Variants in SGCD observed in about 807,000 individuals in gnomAD.
SGCD encodes the protein delta-sarcoglycan.
Under a neutral mutation model 36.6 loss-of-function variants are expected in SGCD, and 18 were observed. The observed-to-expected ratio is 0.49, with a 90% CI of 0.34 to 0.73. The LOEUF is 0.73. SGCD is among the 30% of genes least tolerant of loss of function. The pLI is 0.01. For missense variants in SGCD, 387 were observed against 346.7 expected (o/e 1.12, Z -0.92); for synonymous variants, 133 against 130.6 (o/e 1.02, Z -0.12).
In SGCD at chr5:156,233,391, A is replaced by G. The variant is rs942047676; in HGVS notation, c.-43-96143A>G. Among the ~76,000 whole-genome samples, 7 of 152,342 alleles carry G rather than the reference A, an allele frequency of 4.6e-5. No individual in the cohort carries two copies. The East Asian group carries it at 1.4e-3, about 29-fold the overall frequency. Reference sequence around the variant, plus strand: ...GTAGCTTGCCTGTTGGTTATTCTTCATATGGATTGCCACTTACTTTGACTA... The same window carrying G: ...GTAGCTTGCCTGTTGGTTATTCTTCGTATGGATTGCCACTTACTTTGACTA... On this transcript the variant is annotated intron_variant, in intron 3 of 9. Coordinates refer to the SGCD transcript ENST00000517913.
chr5:156,663,390 G>C (rs1256937531), intron 7 of SGCD, among the ~76,000 whole-genome samples: 1 of 145,782 alleles, frequency 6.9e-6, no homozygotes, highest in African/African-American at 2.6e-5. Context: ...TGTTTTCCTT[G>C]AATAATGGCC....
intron 3 of SGCD, among the ~76,000 whole-genome samples, chr5:156,190,910 A>G (rs1295659998): frequency 1.3e-5 from 2 of 152,206 alleles, no homozygotes; most frequent in Non-Finnish European, 2.9e-5. Context: ...AAAATTTTCT[A>G]GAAATAATAC....
intron 1 of SGCD, among the ~76,000 whole-genome samples, chr5:155,912,105 A>G (rs181804369): frequency 9.5e-4 from 145 of 152,192 alleles, no homozygotes; most frequent in African/African-American, 3.4e-3. Context: ...CTTTAGTGGA[A>G]CTGATACCTC....
intron 3 of SGCD, among the ~76,000 whole-genome samples, chr5:156,448,074 T>A (rs759331720): frequency 6.6e-6 from 1 of 152,310 alleles, no homozygotes; most frequent in Non-Finnish European, 1.5e-5. Context: ...TGACTTTCAC[T>A]GTATTCTGCC....
chr5:156,427,504 T>C (rs1477608777), intron 3 of SGCD, among the ~76,000 whole-genome samples: 2 of 152,132 alleles, frequency 1.3e-5, no homozygotes, highest in Non-Finnish European at 2.9e-5. Flanking sequence ...TTACTTCCTG[T>C]TTTCCAATTC....
chr5:155,866,698 C>CAGGG (rs958833002), upstream of SGCD, among the ~76,000 whole-genome samples: 1 of 152,218 alleles, frequency 6.6e-6, no homozygotes, highest in African/African-American at 2.4e-5. Context: ...TTCTTCATTC[C>CAGGG]ATCCTAACAG....
intron 3 of SGCD, among the ~76,000 whole-genome samples, chr5:156,292,349 G>A (rs570127245): frequency 6.6e-6 from 1 of 152,068 alleles, no homozygotes; most frequent in South Asian, 2.1e-4. Context: ...TAAGTACCAC[G>A]AACAAGTGGG....
intron 1 of SGCD, among the ~76,000 whole-genome samples, chr5:155,996,015 CA>C (rs5872445): frequency 0.26 from 27,915 of 108,732 alleles, 3,368 homozygotes; most frequent in South Asian, 0.4. Flanking sequence ...AAAGAACTTA[CA>C]AAAAAAAAAA....
intron 4 of SGCD, among the ~76,000 whole-genome samples, chr5:156,557,363 TACA>T (rs778194738): frequency 2.0e-5 from 3 of 152,176 alleles, no homozygotes; most frequent in African/African-American, 4.8e-5. Context: ...CCAGGATTTG[TACA>T]ACAACAAGTA....
In SGCD at chr5:156,417,501, T is replaced by A. The variant is rs928316401; in HGVS notation, c.192+72824T>A. Reference sequence around the variant, plus strand: ...TCTGCTTGGGCTGCCATAACAAAATTCCAAGACTAGGTGGCTTAAACAACA... The same window carrying A: ...TCTGCTTGGGCTGCCATAACAAAATACCAAGACTAGGTGGCTTAAACAACA... On this transcript the variant is annotated intron_variant, in intron 3 of 8. Transcript: ENST00000337851. Among the ~76,000 whole-genome samples, 13 of 152,206 alleles carry A rather than the reference T, an allele frequency of 8.5e-5. 1 individual carries two copies. In the South Asian group the frequency reaches 2.7e-3, roughly 32 times the overall value.
intron 3 of SGCD, among the ~76,000 whole-genome samples, chr5:156,321,220 C>G (rs1174323760): frequency 6.6e-6 from 1 of 152,114 alleles, no homozygotes; most frequent in Non-Finnish European, 1.5e-5. Context: ...AAGATCGAGA[C>G]CATCCTGGCT....
chr5:156,068,671 A>C (rs1375919379), intron 1 of SGCD, among the ~76,000 whole-genome samples: 1 of 151,778 alleles, frequency 6.6e-6, no homozygotes, highest in Non-Finnish European at 1.5e-5. Flanking sequence ...TGGTATTTCT[A>C]GTTCTAGATC....
At chr5:156,037,496 A>G (rs996475236) in intron 1 of SGCD, among the ~76,000 whole-genome samples, 4 of 152,188 alleles carry the variant, frequency 2.6e-5, no homozygotes, top group Admixed American at 2.0e-4. Flanking sequence ...TAAGCAGGCA[A>G]TTTGGCCTGT....
intron 1 of SGCD, among the ~76,000 whole-genome samples, chr5:155,946,811 CAGT>C (rs1476801440): frequency 1.3e-5 from 2 of 152,158 alleles, no homozygotes; most frequent in African/African-American, 4.8e-5. Flanking sequence ...CTCCTTTGGC[CAGT>C]AGCTCTGGGA....
At chr5:156,564,237 C>G (rs899552569) in intron 4 of SGCD, among the ~76,000 whole-genome samples, 7 of 152,238 alleles carry the variant, frequency 4.6e-5, no homozygotes, top group African/African-American at 1.7e-4. Context: ...ATCACAAGGT[C>G]AGGAGATCAA....
At chr5:155,736,998 G>C in the SGCD span, among the ~76,000 whole-genome samples, 72 of 152,298 alleles carry the variant, frequency 4.7e-4, no homozygotes, top group African/African-American at 1.7e-3. Flanking sequence ...AAACATTCAC[G>C]TCTCTAAGTG....
chr5:156,327,062 G>A (rs1295493210), upstream of SGCD: 1 of 152,572 alleles, frequency 6.6e-6, no homozygotes, highest in African/African-American at 2.4e-5. Flanking sequence ...GGCATGGGCA[G>A]GGACTTGGCT....
chr5:156,487,214 C>T (rs1359202018), intron 3 of SGCD, among the ~76,000 whole-genome samples: 1 of 152,176 alleles, frequency 6.6e-6, no homozygotes, highest in Non-Finnish European at 1.5e-5. Context: ...CAGCCTAAGC[C>T]ACTGACAGCA....
chr5:156,401,060 C>T (rs555548909), intron 3 of SGCD, among the ~76,000 whole-genome samples: 20 of 152,280 alleles, frequency 1.3e-4, no homozygotes, highest in Admixed American at 1.1e-3. Flanking sequence ...AGACATATTT[C>T]TTGCCCTCAC....
Sources: allele counts gnomAD v4.1 joint callset (sites outside exome capture counted in the v4.1 genomes callset), GRCh38; gene constraint gnomAD v4.1.1; transcripts MANE v1.5; gene names NCBI Gene and HGNC (gene_info 2026-07-23, HGNC 2026-07-21).